Variants in EDRF1 observed in about 807,000 individuals in gnomAD.
The protein encoded by EDRF1 is erythroid differentiation regulatory factor 1, also known as erythroid differentiation-related factor 1.
In EDRF1, 69 loss-of-function variants were observed where a neutral mutation model predicts 148.7. The ratio of observed to expected loss-of-function variants is 0.46; its 90% CI spans 0.38 to 0.57. EDRF1 has a LOEUF of 0.57. EDRF1 is among the 20% of genes least tolerant of loss of function. The pLI is 0.00. For synonymous variants in EDRF1, 515 were observed against 532.8 expected (o/e 0.97, Z 0.46); for missense variants, 1,118 against 1,478.7 (o/e 0.76, Z 4.00).
chr10:125,739,840 T>C (rs548281971), intron 15 of EDRF1, among the ~76,000 whole-genome samples: 1 of 152,238 alleles, frequency 6.6e-6, no homozygotes, highest in Non-Finnish European at 1.5e-5. Flanking sequence ...TATAACTTCA[T>C]GTCACAGTTT....
chr10:125,761,130 G>T, intron 24 of EDRF1: 1 of 296,936 alleles, frequency 3.4e-6, no homozygotes, highest in Non-Finnish European at 6.7e-6. Flanking sequence ...AATAAACAAG[G>T]CTTAATAATT....
chr10:125,756,700 C>T (rs191219780), intron 24 of EDRF1: 10 of 344,766 alleles, frequency 2.9e-5, no homozygotes, highest in Non-Finnish European at 3.8e-5. Context: ...GATAATATAG[C>T]TACTCAACGT....
intron 3 of EDRF1, 58 bp downstream of exon 3, chr10:125,723,192 T>C (rs1848088302): frequency 7.0e-7 from 1 of 1,424,104 alleles, no homozygotes; most frequent in Admixed American, 1.7e-5. Context: ...AGGTGTTTTA[T>C]ATCATGCTGT....
In EDRF1 at chr10:125,733,753, T is replaced by G; in HGVS notation, c.1385+10T>G. On this transcript the variant is annotated intron_variant, in intron 11 of 24. Coordinates refer to ENST00000356792, the MANE Select transcript of EDRF1 (RefSeq NM_001202438.2). ...CCATTCTCTTGTACAAGTGAGTGCT[T>G]TAAGAATTTAAGATGAAGAAGTAGC... The G allele has an allele frequency of 1.9e-6, 3 of 1,595,412 alleles. No individual in the cohort carries two copies. The highest frequency in any genetic ancestry group is 2.2e-5 in the East Asian group (1 of 44,714).
At chr10:125,748,184 A>G (rs977443387) in intron 21 of EDRF1, 172 bp downstream of exon 21, 12 of 744,870 alleles carry the variant, frequency 1.6e-5, no homozygotes, top group South Asian at 1.1e-4. Context: ...CACTTAAACA[A>G]TATGTCCGCA....
intron 24 of EDRF1, 90 bp downstream of exon 24, chr10:125,753,935 G>C: frequency 7.0e-7 from 1 of 1,434,204 alleles, no homozygotes; most frequent in East Asian, 2.3e-5. Flanking sequence ...AAAACTAGGG[G>C]CCAGGCACAT....
In EDRF1 at chr10:125,747,680, A is replaced by C. The variant is rs1264833576; in HGVS notation, c.2959A>C (p.Lys987Gln). Residue 987 changes from lysine (K) to glutamine (Q), a missense_variant, in exon 20 of 25, where the codon AAA (lysine) becomes CAA (glutamine). Transcript: ENST00000356792. ...LQQDYAPLSR[K>Q]AQEQIEKEVS... ...GCAAGATTATGCTCCGTTATCTAGA[A>C]AAGCTCAGGAGCAGGTGATAATATT... is the stretch of plus-strand genomic sequence containing the variant. 1 of 1,614,100 alleles carries C rather than the reference A, an allele frequency of 6.2e-7. No homozygotes were observed. Among genetic ancestry groups the C allele is most frequent in the Non-Finnish European group, 8.5e-7 (1 of 1,180,040 alleles).
chr10:125,745,714 A>G lies in EDRF1; in HGVS notation c.2598A>G (p.Lys866=). The G allele has an allele frequency of 1.2e-6, 2 of 1,614,198 alleles. No homozygotes were observed. The highest frequency in any genetic ancestry group is 1.7e-6 in the Non-Finnish European group (2 of 1,180,036). The change falls in exon 19 of 25, where the codon AAA becomes AAG. Residue 866 remains lysine (K), a synonymous_variant. Coordinates refer to ENST00000356792, the MANE Select transcript of EDRF1 (RefSeq NM_001202438.2). The part of the protein sequence containing the change: ...AALQSERLVS[K]SVSAAEQQLW... ...CTTTCTTTCTCTGTAAAGTGAGCAA[A>G]TCTGTGTCTGCTGCCGAGCAACAGT...
rs1238713521 is a variant in EDRF1 at position 125,745,827 on chromosome 10, G to A, written c.2711G>A (p.Cys904Tyr). 6.2e-7 allele frequency: 1 copy of A among 1,614,088 alleles called. No homozygotes were observed. Among genetic ancestry groups the A allele is most frequent in the African/African-American group, 1.3e-5 (1 of 74,928 alleles). The stretch of plus-strand genomic sequence containing the variant: ...GCCACCAATGCCGCCCTTTTATTAT[G>A]TAACACGGGAAGGCTCATGCGGATT... ...EDATNAALLL[C>Y]NTGRLMRICA... is the part of the protein sequence containing the mutation. Residue 904 changes from cysteine to tyrosine, a missense_variant, in exon 19 of 25, where the codon TGT (cysteine) becomes TAT (tyrosine). Coordinates refer to ENST00000356792, the MANE Select transcript of EDRF1 (RefSeq NM_001202438.2).
rs550273521 is a variant in EDRF1 at position 125,745,692 on chromosome 10, T to A, written c.2591-15T>A. ...TGTCTGCTTACACAGTTGTTTTCTTTCTTTCTCTGTAAAGTGAGCAAATCT... is the reference window on the plus strand; with the variant it reads ...TGTCTGCTTACACAGTTGTTTTCTTACTTTCTCTGTAAAGTGAGCAAATCT... On this transcript the variant is annotated splice_polypyrimidine_tract_variant and intron_variant, in intron 18 of 24. Transcript: ENST00000356792. 4.3e-6 allele frequency: 7 copies of A among 1,613,662 alleles called. No individual in the cohort carries two copies. In the Admixed American group the frequency reaches 6.7e-5, roughly 15 times the overall value.
intron 24 of EDRF1, among the ~76,000 whole-genome samples, chr10:125,754,768 T>C (rs1407117833): frequency 6.6e-6 from 1 of 152,210 alleles, no homozygotes; most frequent in East Asian, 1.9e-4. Flanking sequence ...AATCTGGCCA[T>C]ATTACAAAAT....
At chr10:125,744,968 TC>T (rs1849265647) in intron 18 of EDRF1, 1 of 152,678 alleles carries the variant, frequency 6.5e-6, no homozygotes, top group Admixed American at 6.5e-5. Flanking sequence ...GCATCGTTAC[TC>T]TTGTGCTTTG....
chr10:125,720,494 G>GA (rs1847930182), intron 1 of EDRF1, among the ~76,000 whole-genome samples: 1 of 152,280 alleles, frequency 6.6e-6, no homozygotes, highest in Admixed American at 6.5e-5. Flanking sequence ...ACTATTTTAT[G>GA]AATGATGTGT....
At chr10:125,745,598 G>T in intron 18 of EDRF1, 109 bp from the exon 19 acceptor site, 1 of 1,145,794 alleles carries the variant, frequency 8.7e-7, no homozygotes. Context: ...TGACTGGCTC[G>T]CCACCACACT....
At chr10:125,739,735 T>C (rs1014209417) in intron 15 of EDRF1, among the ~76,000 whole-genome samples, 4 of 152,228 alleles carry the variant, frequency 2.6e-5, no homozygotes, top group African/African-American at 9.6e-5. Flanking sequence ...TTTTTGTTAT[T>C]TGCAGAGCAA....
At chr10:125,734,743 A>G (rs1312021174) in intron 12 of EDRF1, among the ~76,000 whole-genome samples, 1 of 152,172 alleles carries the variant, frequency 6.6e-6, no homozygotes, top group South Asian at 2.1e-4. Flanking sequence ...CATCTCTTAA[A>G]ATATTCCCTC....
At chr10:125,739,624 T>G (rs1176621714) in intron 15 of EDRF1, among the ~76,000 whole-genome samples, 1 of 152,234 alleles carries the variant, frequency 6.6e-6, no homozygotes, top group East Asian at 1.9e-4. Context: ...ATACACACAT[T>G]AAACCATAAT....
In EDRF1 at chr10:125,743,040, T is replaced by A; in HGVS notation, c.2372-18T>A. The A allele has an allele frequency of 6.2e-7, 1 of 1,612,496 alleles. No homozygotes were observed. Among genetic ancestry groups the A allele is most frequent in the Non-Finnish European group, 8.5e-7 (1 of 1,179,592 alleles). On this transcript the variant is annotated intron_variant, in intron 17 of 24. Coordinates refer to ENST00000356792, the MANE Select transcript of EDRF1 (RefSeq NM_001202438.2). ...GAATCACATGATTCGCATTGATGTA[T>A]CCCTTTTTTCTTTTCAGGATTTGCA...
intron 1 of EDRF1, 26 bp from the exon 2 acceptor site, chr10:125,721,178 A>G (rs954077576): frequency 2.5e-6 from 4 of 1,610,246 alleles, no homozygotes; most frequent in African/African-American, 2.7e-5. Flanking sequence ...AATTTTCATT[A>G]AAGTTTCACC....
Sources: allele counts gnomAD v4.1 joint callset (sites outside exome capture counted in the v4.1 genomes callset), GRCh38; gene constraint gnomAD v4.1.1; transcripts MANE v1.5; gene names NCBI Gene and HGNC (gene_info 2026-07-23, HGNC 2026-07-21).